Variants in NUP153 observed in about 807,000 individuals in gnomAD.
NUP153 encodes the protein nucleoporin 153.
Under a neutral mutation model 134.6 loss-of-function variants are expected in NUP153, and 27 were observed. The ratio of observed to expected loss-of-function variants is 0.20; its 90% CI spans 0.15 to 0.28. The LOEUF is 0.28. Ranked by LOEUF, NUP153 falls within the 10% of genes least tolerant of loss-of-function variation. The pLI is 1.00. For synonymous variants in NUP153, 640 were observed against 623.5 expected (o/e 1.03, Z -0.40); for missense variants, 1,821 against 1,731.3 (o/e 1.05, Z -0.92).
chr6:17,691,185 A>C (rs184190657), intron 1 of NUP153, among the ~76,000 whole-genome samples: 6 of 152,292 alleles, frequency 3.9e-5, no homozygotes, highest in African/African-American at 9.6e-5. Flanking sequence ...GCAACTGGGA[A>C]GCATGTAATT....
intron 17 of NUP153, among the ~76,000 whole-genome samples, chr6:17,632,325 AAAC>A (rs1765297152): frequency 1.0e-5 from 1 of 96,476 alleles, no homozygotes. Context: ...ACAAACAAAA[AAAC>A]AAACAAACAA....
chr6:17,669,606 CAGTGAA>C (rs1421245510), intron 5 of NUP153, 60 bp from the exon 6 acceptor site: 11 of 1,131,234 alleles, frequency 9.7e-6, no homozygotes, highest in Non-Finnish European at 1.3e-5. Context: ...ATATTTCATG[CAGTGAA>C]AATATTTACA....
At chr6:17,696,944 G>A (rs756435014) in intron 1 of NUP153, among the ~76,000 whole-genome samples, 1 of 151,748 alleles carries the variant, frequency 6.6e-6, no homozygotes, top group Non-Finnish European at 1.5e-5. Context: ...GGTGGTGTCC[G>A]CCTGTAATCC....
At chr6:17,626,752 T>C (rs1222826354) in intron 18 of NUP153, among the ~76,000 whole-genome samples, 3 of 152,240 alleles carry the variant, frequency 2.0e-5, no homozygotes, top group African/African-American at 7.2e-5. Flanking sequence ...CCTGTGTGCC[T>C]GCCCTTCTTC....
intron 20 of NUP153, among the ~76,000 whole-genome samples, chr6:17,621,154 A>G (rs771839990): frequency 1.3e-5 from 2 of 152,172 alleles, no homozygotes; most frequent in Non-Finnish European, 2.9e-5. Flanking sequence ...GCAAATCAAA[A>G]CCACAATGAG....
intron 20 of NUP153, among the ~76,000 whole-genome samples, chr6:17,617,045 G>A (rs1764372251): frequency 6.6e-6 from 1 of 152,092 alleles, no homozygotes; most frequent in African/African-American, 2.4e-5. Flanking sequence ...CACTGCACCC[G>A]GCCGCAACAT....
chr6:17,668,485 T>G (rs2113825450), intron 8 of NUP153, among the ~76,000 whole-genome samples: 1 of 152,204 alleles, frequency 6.6e-6, no homozygotes, highest in Non-Finnish European at 1.5e-5. Context: ...TGGATGAGTA[T>G]CTACTACATA....
chr6:17,686,282 G>T (rs933661653), intron 2 of NUP153, among the ~76,000 whole-genome samples: 2 of 152,204 alleles, frequency 1.3e-5, no homozygotes, highest in South Asian at 2.1e-4. Flanking sequence ...TAATGCCCCT[G>T]AAGAGTATCC....
At chr6:17,647,263 CCCA>C (rs1267539749) in intron 13 of NUP153, among the ~76,000 whole-genome samples, 1 of 152,026 alleles carries the variant, frequency 6.6e-6, no homozygotes, top group African/African-American at 2.4e-5. Context: ...TTATTCTTAC[CCCA>C]AACATTCACT....
intron 5 of NUP153, among the ~76,000 whole-genome samples, chr6:17,672,116 A>G (rs1001304674): frequency 1.3e-5 from 2 of 152,192 alleles, no homozygotes; most frequent in East Asian, 3.9e-4. Flanking sequence ...AACAAGCTTG[A>G]AAAAGAACAA....
At chr6:17,635,138 C>G (rs1489409196) in intron 16 of NUP153, among the ~76,000 whole-genome samples, 4 of 117,196 alleles carry the variant, frequency 3.4e-5, no homozygotes, top group Non-Finnish European at 6.5e-5. Flanking sequence ...GAGACGGAGT[C>G]TCGCTCTGTC....
At chr6:17,640,249 C>T (rs1765765988) in intron 14 of NUP153, among the ~76,000 whole-genome samples, 185 bp from the exon 15 acceptor site, 1 of 152,094 alleles carries the variant, frequency 6.6e-6, no homozygotes, top group African/African-American at 2.4e-5. Flanking sequence ...GATAAAAACA[C>T]TATTCCCATA....
intron 20 of NUP153, among the ~76,000 whole-genome samples, chr6:17,623,236 T>A (rs1415293127): frequency 4.6e-5 from 7 of 151,616 alleles, no homozygotes; most frequent in Non-Finnish European, 1.0e-4. Flanking sequence ...ATCAAAATGG[T>A]TAATGTATAT....
In NUP153 at chr6:17,637,258, C is replaced by T; in HGVS notation, c.2359G>A (p.Gly787Arg). 1 of 1,614,162 alleles carries T rather than the reference C, an allele frequency of 6.2e-7. No homozygotes were observed. The highest frequency in any genetic ancestry group is 1.1e-5 in the South Asian group (1 of 91,086). ...CCAATGGGCCTTTTGAATTTATCTC[C>T]AAATCCTAAGGTACCAGTGGTTACA... ...CTVTTGTLGF[G>R]DKFKRPIGSW... is the part of the protein sequence containing the mutation. The change falls in exon 16 of 22, where the codon GGA becomes AGA. Residue 787 changes from glycine to arginine, a missense_variant. Coordinates refer to ENST00000262077, the MANE Select transcript of NUP153 (RefSeq NM_005124.4).
rs10456208 is a variant in NUP153, at chr6:17,678,353, A to C, written c.335-2583T>G. On this transcript the variant is annotated intron_variant, in intron 2 of 21. Coordinates refer to ENST00000262077, the MANE Select transcript of NUP153 (RefSeq NM_005124.4). Reference sequence around the variant, plus strand: ...CCTGGTTGACAGAACCCTCTGTCTCAAAAAAAAAAAAAAAAAAAAAAAGAT... The same window carrying C: ...CCTGGTTGACAGAACCCTCTGTCTCCAAAAAAAAAAAAAAAAAAAAAAGAT... Among the ~76,000 whole-genome samples, 49 of 57,862 alleles carry C rather than the reference A, an allele frequency of 8.5e-4. 1 individual carries two copies. Among genetic ancestry groups the C allele is most frequent in the Non-Finnish European group, 1.1e-3 (31 of 28,902 alleles). The allele number at this position is 57,862 out of a possible 152,430, so 38.0% of individuals were successfully genotyped here.
chr6:17,694,425 G>A (rs879867118), intron 1 of NUP153, among the ~76,000 whole-genome samples: 1 of 152,148 alleles, frequency 6.6e-6, no homozygotes, highest in Non-Finnish European at 1.5e-5. Flanking sequence ...TCCGGAGGCC[G>A]ACGCGGGCGG....
chr6:17,642,245 A>G (rs1765876818), intron 14 of NUP153, among the ~76,000 whole-genome samples: 1 of 152,158 alleles, frequency 6.6e-6, no homozygotes, highest in Non-Finnish European at 1.5e-5. Context: ...AAAATTAAAT[A>G]CCTCTGTCCA....
In NUP153 at chr6:17,665,292, T is replaced by TCAG; in HGVS notation, c.1159_1161dup (p.Leu387dup). 1 of 1,612,276 alleles carries TCAG rather than the reference T, an allele frequency of 6.2e-7. No individual in the cohort carries two copies. Among genetic ancestry groups the TCAG allele is most frequent in the South Asian group, 1.1e-5 (1 of 91,052 alleles). On this transcript the variant is annotated inframe_insertion, in exon 9 of 22. Transcript: ENST00000262077. Reference sequence around the variant, plus strand: ...GTCTTCCTGAATTCACCAGAAGGAGTCAGAGATGGTTTAAAATAAACACTT... The same window carrying TCAG: ...GTCTTCCTGAATTCACCAGAAGGAGTCAGCAGAGATGGTTTAAAATAAACACTT...
rs968631173 is a variant in NUP153 at position 17,615,448 on chromosome 6, A to C, written c.*649T>G. ...AAATTGTATTTACACAAGTTTCATA[A>C]TAAAATAATGAAAAAGGCAAGACAG... On this transcript the variant is annotated 3_prime_UTR_variant, in exon 22 of 22. Transcript: ENST00000262077. The surrounding 1 kb of genome is among the most constrained non-coding windows in gnomAD (Gnocchi z 5.7). 1 of 152,660 alleles carries C rather than the reference A, an allele frequency of 6.6e-6. No homozygotes were observed. Among genetic ancestry groups the C allele is most frequent in the African/African-American group, 2.4e-5 (1 of 41,468 alleles). 9.5% of individuals were successfully genotyped at this position (152,660 alleles called of 1,614,324 possible).
Sources: allele counts gnomAD v4.1 joint callset (sites outside exome capture counted in the v4.1 genomes callset), GRCh38; gene constraint gnomAD v4.1.1; non-coding constraint Gnocchi (gnomAD v3.1); transcripts MANE v1.5; gene names NCBI Gene and HGNC (gene_info 2026-07-23, HGNC 2026-07-21).